Variants in FAM107A observed in about 807,000 individuals in gnomAD.
FAM107A encodes family with sequence similarity 107 member A, also known as actin-associated protein FAM107A.
In FAM107A, 19 loss-of-function variants were observed where a neutral mutation model predicts 13.7. The ratio of observed to expected loss-of-function variants is 1.38; its 90% CI spans 0.97 to 2.03. The LOEUF is 2.03. Among genes scored for constraint, FAM107A ranks in the 30% most tolerant of loss-of-function variants. FAM107A has a pLI of 0.00. For missense variants in FAM107A, 203 were observed against 184.4 expected (o/e 1.10, Z -0.58); for synonymous variants, 82 against 74.5 (o/e 1.10, Z -0.52).
chr3:58,612,170 A>G (rs2065860622), intron 1 of FAM107A, among the ~76,000 whole-genome samples: 1 of 152,178 alleles, frequency 6.6e-6, no homozygotes, highest in African/African-American at 2.4e-5. Flanking sequence ...AAGGATGCGC[A>G]CCAAAATATA....
chr3:58,600,171 T>G (rs1490055764), intron 1 of FAM107A, among the ~76,000 whole-genome samples: 1 of 152,120 alleles, frequency 6.6e-6, no homozygotes, highest in Admixed American at 6.5e-5. Context: ...GGGGAAACCC[T>G]TTTTTGGAAA....
chr3:58,616,005 G>A (rs572272304), intron 1 of FAM107A, among the ~76,000 whole-genome samples: 1 of 151,762 alleles, frequency 6.6e-6, no homozygotes, highest in South Asian at 2.1e-4. Flanking sequence ...GAACAGTGGA[G>A]ACAAAAGCTC....
intron 1 of FAM107A, among the ~76,000 whole-genome samples, chr3:58,599,985 T>C (rs2065740608): frequency 6.6e-6 from 1 of 152,018 alleles, no homozygotes; most frequent in South Asian, 2.1e-4. Context: ...CCAGGTGCAG[T>C]ATTAAATATG....
chr3:58,586,936 T>C, exon 1 of FAM107A: 3 of 1,529,098 alleles, frequency 2.0e-6, no homozygotes, highest in Non-Finnish European at 2.6e-6. Context: ...CTCTGCGCCA[T>C]GCCCCCGCGC....
Position 58,617,047 on chromosome 3 carries a change from C to T in FAM107A, c.-70+10369G>A, listed in dbSNP as rs1432058057. Among the ~76,000 whole-genome samples the T allele has an allele frequency of 6.6e-6, 1 of 152,190 alleles. No individual in the cohort carries two copies. The highest frequency in any genetic ancestry group is 1.9e-4 in the East Asian group (1 of 5,190). On this transcript the variant is annotated intron_variant, in intron 1 of 3. Coordinates refer to the FAM107A transcript ENST00000465970. The surrounding 1 kb of genome is among the most constrained non-coding windows in gnomAD (Gnocchi z 4.5). ...TCGGCCTCCCAAAGTGCTGGGATTA[C>T]AGGCGTGAGCCACCGCGCCTGGCCT... is the stretch of plus-strand genomic sequence containing the variant.
At chr3:58,584,679 C>A (rs113115071) in intron 1 of FAM107A, among the ~76,000 whole-genome samples, 2,910 of 152,224 alleles carry the variant, frequency 0.019, 85 homozygotes, top group African/African-American at 0.066. Flanking sequence ...CAGAACAGAA[C>A]GAAATCAAAT....
chr3:58,597,831 A>C (rs900667021), intron 1 of FAM107A, among the ~76,000 whole-genome samples: 9 of 152,184 alleles, frequency 5.9e-5, no homozygotes, highest in African/African-American at 1.9e-4. Context: ...GAAATAAAAA[A>C]ATAAAAAAGA....
At position 58,565,393 on chromosome 3, in the gene FAM107A, A is replaced by G. The variant is rs143012158; in HGVS notation, c.*1195T>C. Reference sequence around the variant, plus strand: ...CCAGAAGCCTACTGAAAATCATTGTATATTTGCTTTCCATAAGACTAGGAA... The same window carrying G: ...CCAGAAGCCTACTGAAAATCATTGTGTATTTGCTTTCCATAAGACTAGGAA... On this transcript the variant is annotated 3_prime_UTR_variant, in exon 4 of 4. Coordinates refer to ENST00000360997, the MANE Select transcript of FAM107A (RefSeq NM_001076778.3). 2.9e-3 allele frequency: 409 copies of G among 140,680 alleles called. 3 individuals are homozygous for G. The highest frequency in any genetic ancestry group is 9.8e-3 in the African/African-American group (376 of 38,506). 8.7% of individuals were successfully genotyped at this position (140,680 alleles called of 1,614,324 possible).
intron 1 of FAM107A, among the ~76,000 whole-genome samples, chr3:58,621,180 G>A (rs1054879260): frequency 5.3e-5 from 8 of 152,156 alleles, no homozygotes; most frequent in Admixed American, 2.6e-4. Context: ...AGGGGAGCCC[G>A]GAACTAAATG....
upstream of FAM107A, among the ~76,000 whole-genome samples, chr3:58,582,049 C>T (rs979339895): frequency 1.2e-4 from 19 of 152,074 alleles, no homozygotes; most frequent in Admixed American, 2.6e-4. Flanking sequence ...TATGTGTGCG[C>T]GCATGCATGC....
chr3:58,576,913 G>C (rs992797401), intron 1 of FAM107A, among the ~76,000 whole-genome samples: 1 of 152,230 alleles, frequency 6.6e-6, no homozygotes, highest in African/African-American at 2.4e-5. Flanking sequence ...GAAAGAGCTT[G>C]AATCTGAGCC....
At chr3:58,596,783 A>AAC (rs574126414) in intron 1 of FAM107A, among the ~76,000 whole-genome samples, 15 of 152,182 alleles carry the variant, frequency 9.9e-5, no homozygotes, top group Non-Finnish European at 1.5e-4. Context: ...CAAGATATAA[A>AAC]ACAAGATTGG....
At position 58,596,810 on chromosome 3, in the gene FAM107A, A is replaced by T. The variant is rs147113417; in HGVS notation, c.-69-7541T>A. 2.7e-3 allele frequency among the ~76,000 whole-genome samples: 413 copies of T among 152,330 alleles called. 1 individual carries two copies. The highest frequency in any genetic ancestry group is 4.4e-3 in the Non-Finnish European group (300 of 68,032). Reference sequence around the variant, plus strand: ...CAAGATTGGCTTGCTTTATATCTTGATATATATGACAAAATATATATCAAG... The same window carrying T: ...CAAGATTGGCTTGCTTTATATCTTGTTATATATGACAAAATATATATCAAG... On this transcript the variant is annotated intron_variant, in intron 1 of 3. Coordinates refer to the FAM107A transcript ENST00000465970.
At chr3:58,609,448 T>G (rs2065831829) in intron 1 of FAM107A, among the ~76,000 whole-genome samples, 1 of 152,174 alleles carries the variant, frequency 6.6e-6, no homozygotes, top group Non-Finnish European at 1.5e-5. Context: ...AGCATTAATG[T>G]TTGGTATTTA....
In FAM107A at chr3:58,569,806, G is replaced by T; in HGVS notation, c.55C>A (p.Pro19Thr). The change falls in exon 2 of 4, where the codon CCA becomes ACA. Residue 19 changes from proline (P) to threonine (T), a missense_variant. By Grantham distance (38) the Pro-to-Thr change is conservative (BLOSUM62 -1). Coordinates refer to ENST00000360997, the MANE Select transcript of FAM107A (RefSeq NM_001076778.3). The surrounding 1 kb of genome is among the most constrained non-coding windows in gnomAD (Gnocchi z 5.7). Reference protein sequence around the residue: ...RADIGGLMARPEYREWNPELI... With the variant: ...RADIGGLMARTEYREWNPELI... ...TCCGGATTCCACTCTCTGTATTCTG[G>T]CCGGGCCATCAGGCCCCCAATGTCT... The T allele has an allele frequency of 6.2e-7, 1 of 1,614,084 alleles. No individual in the cohort carries two copies. Among genetic ancestry groups the T allele is most frequent in the South Asian group, 1.1e-5 (1 of 91,078 alleles).
exon 1 of FAM107A, chr3:58,586,914 C>G (rs1184006367): frequency 6.5e-7 from 1 of 1,532,932 alleles, no homozygotes. Context: ...CCCCCGGGCC[C>G]ACTCGCCCAG....
intron 1 of FAM107A, chr3:58,627,313 G>A: frequency 7.3e-6 from 3 of 409,880 alleles, no homozygotes; most frequent in Non-Finnish European, 1.3e-5. Context: ...AGGCAGCTGG[G>A]AAATGAGGGA....
intron 1 of FAM107A, among the ~76,000 whole-genome samples, chr3:58,572,512 G>C (rs1281035306): frequency 2.0e-5 from 3 of 152,210 alleles, no homozygotes; most frequent in African/African-American, 7.2e-5. Flanking sequence ...AGCTGGGTCT[G>C]TTCAGGGAAC....
intron 1 of FAM107A, among the ~76,000 whole-genome samples, chr3:58,606,649 G>C (rs999327067): frequency 6.6e-6 from 1 of 152,224 alleles, no homozygotes; most frequent in African/African-American, 2.4e-5. Context: ...CCAGTCTGTT[G>C]GACCTGAAAC....
Sources: gnomAD v4.1 joint callset for allele counts (sites outside exome capture counted in the v4.1 genomes callset) on GRCh38, gnomAD v4.1.1 for gene constraint, Gnocchi (gnomAD v3.1) non-coding constraint, MANE v1.5 for transcripts, NCBI Gene and HGNC (gene_info 2026-07-23, HGNC 2026-07-21) for gene names.